The following PRSS55 variants were observed in gnomAD, a reference collection of about 807,000 sequenced individuals.
PRSS55 encodes the protein probable serine protease UNQ9391/PRO34284.
A neutral mutation model predicts 23.6 loss-of-function variants in PRSS55; 41 were observed. The ratio of observed to expected loss-of-function variants is 1.74; its 90% CI spans 1.35 to 2.26. The LOEUF is 2.26. Among genes scored for constraint, PRSS55 ranks in the 30% most tolerant of loss-of-function variants. PRSS55 has a pLI of 0.00. For missense variants in PRSS55, 669 were observed against 439.1 expected, an observed-to-expected ratio of 1.52 and a Z score of -4.68; for synonymous variants, 262 against 175.5, an observed-to-expected ratio of 1.49 and a Z score of -3.90.
chr8:10,548,087 G>A (rs970591888), intron 4 of PRSS55, among the ~76,000 whole-genome samples: 1 of 152,138 alleles, frequency 6.6e-6, no homozygotes, highest in South Asian at 2.1e-4. Flanking sequence ...AGAGTGTCTC[G>A]GGGATCTCTG....
chr8:10,552,102 A>C (rs1812965163), intron 4 of PRSS55, among the ~76,000 whole-genome samples: 1 of 152,220 alleles, frequency 6.6e-6, no homozygotes, highest in African/African-American at 2.4e-5. Flanking sequence ...AAATGTCTTC[A>C]TGCTTAGAAT....
At chr8:10,525,861 A>C in intron 1 of PRSS55, 122 bp downstream of exon 1, 1 of 1,048,732 alleles carries the variant, frequency 9.5e-7, no homozygotes, top group Non-Finnish European at 1.3e-6. Flanking sequence ...CCCTTCTCCA[A>C]ACCACTTGTC....
intron 1 of PRSS55, 38 bp downstream of exon 1, chr8:10,525,777 A>T (rs1811999473): frequency 1.3e-6 from 2 of 1,548,342 alleles, no homozygotes; most frequent in East Asian, 4.8e-5. Flanking sequence ...ATGGGGGCTC[A>T]TGGTCCAGCT....
chr8:10,525,757 A>C lies in PRSS55; in HGVS notation c.154+18A>C. On this transcript the variant is annotated intron_variant, in intron 1 of 4. Transcript: ENST00000328655. Reference sequence around the variant, plus strand: ...AGTCAGTGGTGAGTACAGGGGCAGAAGGGGCATGGATGGGGGCTCATGGTC... The same window carrying C: ...AGTCAGTGGTGAGTACAGGGGCAGACGGGGCATGGATGGGGGCTCATGGTC... The C allele has an allele frequency of 6.3e-7, 1 of 1,576,196 alleles. No homozygotes were observed. The highest frequency in any genetic ancestry group is 8.6e-7 in the Non-Finnish European group (1 of 1,158,768).
rs145078199 is a variant in PRSS55 at position 10,531,483 on chromosome 8, C to G, written c.536C>G (p.Thr179Arg). 61 of 1,613,850 alleles carry G rather than the reference C, an allele frequency of 3.8e-5. No homozygotes were observed. The African/African-American group carries it at 7.9e-4, about 21-fold the overall frequency. The change falls in exon 3 of 5, where the codon ACG becomes AGG. Residue 179 changes from threonine (T) to arginine (R), a missense_variant. Thr to Arg is a moderately conservative substitution (Grantham distance 71). Transcript: ENST00000328655. ...DDLKVPICLP[T>R]QPGPATWREC... The stretch of plus-strand genomic sequence containing the variant: ...CTGAAGGTGCCCATCTGCCTCCCCA[C>G]GCAGCCCGGCCCTGCCACATGGCGC...
intron 1 of PRSS55, 96 bp from the exon 2 acceptor site, chr8:10,529,411 C>G: frequency 7.9e-7 from 1 of 1,262,800 alleles, no homozygotes; most frequent in Non-Finnish European, 1.2e-6. Context: ...AGGATATCCA[C>G]TTGGAAGCCT....
At chr8:10,539,937 C>T (rs1010154168), downstream of PRSS55, among the ~76,000 whole-genome samples, 2 of 152,236 alleles carry the variant, frequency 1.3e-5, no homozygotes, top group Non-Finnish European at 2.9e-5. Flanking sequence ...GGCAGGCAGG[C>T]CTGAGCTCCC....
At chr8:10,542,902 A>T (rs937680654), downstream of PRSS55, among the ~76,000 whole-genome samples, 3 of 143,638 alleles carry the variant, frequency 2.1e-5, no homozygotes, top group Admixed American at 7.0e-5. Context: ...AAAAAAGACA[A>T]CCTCTTGGAG....
downstream of PRSS55, chr8:10,541,505 G>C (rs1368165271): frequency 6.6e-6 from 1 of 152,126 alleles, no homozygotes; most frequent in Non-Finnish European, 1.5e-5. Flanking sequence ...CCTGCATCTC[G>C]AGCCTGCCAG....
At chr8:10,543,415 T>TTTCTTTTCTTTTCTTTTCTTTTC (rs1491297830), downstream of PRSS55, among the ~76,000 whole-genome samples, 2 of 37,798 alleles carry the variant, frequency 5.3e-5, no homozygotes, top group African/African-American at 1.2e-4. Context: ...CTTTCTTTCT[T>TTTCTTTTCTTTTCTTTTCTTTTC]CTTTCTTTCT....
chr8:10,534,436 G>A (rs1316701581), intron 4 of PRSS55, among the ~76,000 whole-genome samples: 3 of 152,200 alleles, frequency 2.0e-5, no homozygotes, highest in African/African-American at 7.2e-5. Flanking sequence ...ATCATGGAAT[G>A]AGACATCATC....
At chr8:10,550,443 T>A (rs7011469) in intron 4 of PRSS55, among the ~76,000 whole-genome samples, 6 of 152,188 alleles carry the variant, frequency 3.9e-5, no homozygotes, top group African/African-American at 1.4e-4. Context: ...TGTAGCATCA[T>A]CTGGTGGCAG....
At chr8:10,543,720 T>TTG (rs1209784198), downstream of PRSS55, among the ~76,000 whole-genome samples, 2 of 100,040 alleles carry the variant, frequency 2.0e-5, no homozygotes, top group African/African-American at 5.6e-5. Flanking sequence ...ACATATGTTT[T>TTG]TGTGTGTTAT....
downstream of PRSS55, among the ~76,000 whole-genome samples, chr8:10,543,423 T>TCTTTCTTCCTTCCTTCCTTCCTTCCTTC (rs1491268512): frequency 1.7e-4 from 12 of 71,562 alleles, no homozygotes; most frequent in East Asian, 5.7e-3. Context: ...CTTCTTTCTT[T>TCTTTCTTCCTTCCTTCCTTCCTTCCTTC]CTTCCTTCCT....
At chr8:10,533,943 A>G (rs4240652) in intron 4 of PRSS55, among the ~76,000 whole-genome samples, 152,107 of 152,270 alleles carry the variant, frequency 1, 75,972 homozygotes, top group Middle Eastern at 1. Flanking sequence ...GTGGGTACTG[A>G]AACAGGGGTT....
chr8:10,531,127 G>T (rs199583657), intron 2 of PRSS55, among the ~76,000 whole-genome samples, 168 bp from the exon 3 acceptor site: 1 of 124,244 alleles, frequency 8.0e-6, no homozygotes, highest in African/African-American at 3.1e-5. Context: ...GTTTTGTTTT[G>T]TTTTTTCCTA....
intron 1 of PRSS55, among the ~76,000 whole-genome samples, chr8:10,526,017 G>A (rs796642425): frequency 2.0e-5 from 3 of 152,168 alleles, no homozygotes; most frequent in Admixed American, 2.0e-4. Flanking sequence ...CCTCCCACTT[G>A]GAGGGGGACC....
downstream of PRSS55, among the ~76,000 whole-genome samples, chr8:10,539,531 C>T (rs547340050): frequency 1.9e-4 from 29 of 152,198 alleles, no homozygotes; most frequent in Non-Finnish European, 3.5e-4. Context: ...TGGCTATGTC[C>T]CCACTCAAAT....
intron 4 of PRSS55, among the ~76,000 whole-genome samples, chr8:10,552,172 G>A (rs578046680): frequency 1.3e-5 from 2 of 152,192 alleles, no homozygotes; most frequent in East Asian, 1.9e-4. Flanking sequence ...TAGAACAAAC[G>A]CTGGGATCCA....
Sources: gnomAD v4.1 joint callset for allele counts (sites outside exome capture counted in the v4.1 genomes callset) on GRCh38, gnomAD v4.1.1 for gene constraint, MANE v1.5 for transcripts, NCBI Gene and HGNC (gene_info 2026-07-23, HGNC 2026-07-21) for gene names.